The following KLHL18 variants were observed in gnomAD, a reference collection of about 807,000 sequenced individuals.
The protein encoded by KLHL18 is kelch-like protein 18.
KLHL18 carries 38 observed loss-of-function variants against 58.5 expected under a neutral mutation model. That is an observed-to-expected ratio of 0.65 (90% CI 0.50 to 0.85). The LOEUF (loss-of-function observed/expected upper bound fraction) is 0.85, where lower values mean the gene tolerates loss of function less well. Among genes scored for constraint, KLHL18 ranks in the 40% least tolerant of loss-of-function variants. KLHL18 has a pLI of 0.00. For synonymous variants in KLHL18, 303 were observed against 301.9 expected (o/e 1.00, Z -0.04); for missense variants, 624 against 778.4 (o/e 0.80, Z 2.36).
chr3:47,303,199 C>G (rs570479128), intron 1 of KLHL18, among the ~76,000 whole-genome samples: 1 of 152,312 alleles, frequency 6.6e-6, no homozygotes, highest in African/African-American at 2.4e-5. Context: ...ATGATGGCAT[C>G]TTCCATGGTA....
In KLHL18 at chr3:47,283,105, C is replaced by G; in HGVS notation, c.129+11C>G. 1.3e-6 allele frequency: 2 copies of G among 1,552,544 alleles called. No homozygotes were observed. The highest frequency in any genetic ancestry group is 2.3e-5 in the South Asian group (2 of 85,700). On this transcript the variant is annotated intron_variant, in intron 1 of 9. Transcript: ENST00000232766. ...GACGTGACCCTCAAGGTACCGCGGA[C>G]TGGGCGGCAGCGGGCTGAGGGAAAA...
At chr3:47,303,191 G>A (rs1370628664) in intron 1 of KLHL18, among the ~76,000 whole-genome samples, 7 of 152,276 alleles carry the variant, frequency 4.6e-5, no homozygotes, top group Admixed American at 4.6e-4. Context: ...CTATAACAAT[G>A]ATGGCATCTT....
Position 47,322,649 on chromosome 3 carries a change from G to A in KLHL18, c.342G>A (p.Gly114=), listed in dbSNP as rs764828624. 2.5e-6 allele frequency: 4 copies of A among 1,603,934 alleles called. No homozygotes were observed. Among genetic ancestry groups the A allele is most frequent in the East Asian group, 2.3e-5 (1 of 44,150 alleles). ...AAAATGTCCAGTCATTGCTGATGGG[G>A]GCGAGCTTCCTGCAGCTGCAGAGCA... ...DQQNVQSLLM[G]ASFLQLQSIK... is the part of the protein sequence containing the mutation. Residue 114 remains glycine (G), a synonymous_variant, in exon 3 of 10, where the codon GGG becomes GGA. Transcript: ENST00000232766.
Position 47,340,661 on chromosome 3 carries a change from C to T in KLHL18, c.1211C>T (p.Ser404Leu). 1.2e-6 allele frequency: 2 copies of T among 1,614,014 alleles called. No homozygotes were observed. The highest frequency in any genetic ancestry group is 1.7e-6 in the Non-Finnish European group (2 of 1,179,982). ...TCCCTCAGCTCCGTGGAGACCTACTCACCTGAGACGGACAAGTAAGGACTC... is the reference window on the plus strand; with the variant it reads ...TCCCTCAGCTCCGTGGAGACCTACTTACCTGAGACGGACAAGTAAGGACTC... Reference protein sequence around the residue: ...NSSLSSVETYSPETDKWTVVT... With the variant: ...NSSLSSVETYLPETDKWTVVT... The change falls in exon 8 of 10, where the codon TCA becomes TTA. Residue 404 changes from serine (S) to leucine (L), a missense_variant. Physicochemically the swap from Ser to Leu is moderately radical, Grantham distance 145. Coordinates refer to ENST00000232766, the MANE Select transcript of KLHL18 (RefSeq NM_025010.5).
intron 2 of KLHL18, among the ~76,000 whole-genome samples, chr3:47,320,168 T>C (rs943182590): frequency 1.3e-5 from 2 of 152,138 alleles, no homozygotes; most frequent in African/African-American, 4.8e-5. Context: ...TCCCTTCTTA[T>C]CAGTCTAGAA....
intron 1 of KLHL18, among the ~76,000 whole-genome samples, chr3:47,316,328 TAAC>T: frequency 6.6e-6 from 1 of 151,748 alleles, no homozygotes; most frequent in East Asian, 1.9e-4. Context: ...GATTTCTCAA[TAAC>T]AACAAACTAG....
At position 47,344,106 on chromosome 3, in the gene KLHL18, C is replaced by G; in HGVS notation, c.*165C>G. The G allele has an allele frequency of 1.3e-6, 1 of 766,644 alleles. No homozygotes were observed. The highest frequency in any genetic ancestry group is 2.0e-6 in the Non-Finnish European group (1 of 489,746). The allele number at this position is 766,644 out of a possible 1,614,324, so 47.5% of individuals were successfully genotyped here. A position where few individuals can be genotyped will look rare whatever the true frequency, so the allele number is the denominator to read the frequency against. On this transcript the variant is annotated 3_prime_UTR_variant, in exon 10 of 10. Coordinates refer to ENST00000232766, the MANE Select transcript of KLHL18 (RefSeq NM_025010.5). ...CTTAAGCCCTCCCCCACTGTGCCAC[C>G]CTTGTGACCTTCAGGCTTGGGTCAT...
At position 47,333,298 on chromosome 3, in the gene KLHL18, C is replaced by T. The variant is rs745505777; in HGVS notation, c.742C>T (p.Arg248Cys). The T allele has an allele frequency of 6.2e-6, 10 of 1,613,608 alleles. No individual in the cohort carries two copies. Among genetic ancestry groups the T allele is most frequent in the South Asian group, 2.2e-5 (2 of 91,030 alleles). The stretch of plus-strand genomic sequence containing the variant: ...CAGAGTACAGCAGGATGACCTGGTG[C>T]GTTGCTGCCACAAATGCAGGTGAGT... ...SDRVQQDDLVRCCHKCRDLVD... is the reference protein window; with the variant it reads ...SDRVQQDDLVCCCHKCRDLVD... Residue 248 changes from arginine (R) to cysteine (C), a missense_variant, in exon 5 of 10, where the codon CGT (arginine) becomes TGT (cysteine). Physicochemically the swap from Arg to Cys is radical, Grantham distance 180 (BLOSUM62 -3). Transcript: ENST00000232766.
At chr3:47,304,356 G>C (rs1703091034) in intron 1 of KLHL18, among the ~76,000 whole-genome samples, 1 of 151,952 alleles carries the variant, frequency 6.6e-6, no homozygotes, top group Non-Finnish European at 1.5e-5. Flanking sequence ...TAAAAAATTA[G>C]CTGGGTATGG....
At chr3:47,299,448 A>G (rs1428778144) in intron 1 of KLHL18, among the ~76,000 whole-genome samples, 2 of 152,018 alleles carry the variant, frequency 1.3e-5, no homozygotes, top group Non-Finnish European at 2.9e-5. Context: ...ACCTTCCATA[A>G]TGTGGGTGGG....
At chr3:47,294,979 C>T (rs1450204581) in intron 1 of KLHL18, among the ~76,000 whole-genome samples, 1 of 151,964 alleles carries the variant, frequency 6.6e-6, no homozygotes, top group Non-Finnish European at 1.5e-5. Context: ...AGCCGTGAGT[C>T]GAGCAGAGCT....
chr3:47,306,780 C>T (rs1703157348), intron 1 of KLHL18, among the ~76,000 whole-genome samples: 1 of 152,134 alleles, frequency 6.6e-6, no homozygotes, highest in African/African-American at 2.4e-5. Context: ...TCTGTCCATC[C>T]ACATCATCAT....
chr3:47,311,691 A>AAAAC (rs577854277), intron 1 of KLHL18, among the ~76,000 whole-genome samples: 5 of 152,152 alleles, frequency 3.3e-5, no homozygotes, highest in Admixed American at 6.5e-5. Context: ...ACTCTGTCTC[A>AAAAC]AAACAAACAA....
At chr3:47,332,474 A>T (rs556798882) in intron 4 of KLHL18, among the ~76,000 whole-genome samples, 1 of 152,280 alleles carries the variant, frequency 6.6e-6, no homozygotes. Flanking sequence ...AGCGGGCTTG[A>T]TAGGAGCCTG....
rs1211989980 is a variant in KLHL18, at chr3:47,345,500, T to C, written c.*1559T>C. ...ACCTTTTGGAAAGATTTCATATTGC[T>C]TCCTCCTCCCTGGATAGGACCTAAT... is the stretch of plus-strand genomic sequence containing the variant. On this transcript the variant is annotated 3_prime_UTR_variant, in exon 10 of 10. Transcript: ENST00000232766. The C allele has an allele frequency of 2.6e-5, 4 of 152,676 alleles. No homozygotes were observed. The highest frequency in any genetic ancestry group is 1.9e-4 in the East Asian group (1 of 5,202). The allele number at this position is 152,676 out of a possible 1,614,324, so 9.5% of individuals were successfully genotyped here. A position where few individuals can be genotyped will look rare whatever the true frequency, so the allele number is the denominator to read the frequency against.
chr3:47,332,072 G>A (rs868758662), intron 4 of KLHL18, among the ~76,000 whole-genome samples: 27 of 152,082 alleles, frequency 1.8e-4, no homozygotes, highest in African/African-American at 3.6e-4. Context: ...AAGGAAGGCC[G>A]GGAGCAGTGG....
chr3:47,309,938 G>C (rs1052988507), intron 1 of KLHL18, among the ~76,000 whole-genome samples: 6 of 146,316 alleles, frequency 4.1e-5, no homozygotes, highest in Non-Finnish European at 7.5e-5. Flanking sequence ...AGAGATGGCG[G>C]AGTACAGTCC....
chr3:47,312,260 G>T (rs1405723297), intron 1 of KLHL18, among the ~76,000 whole-genome samples: 1 of 152,136 alleles, frequency 6.6e-6, no homozygotes, highest in Non-Finnish European at 1.5e-5. Flanking sequence ...AGAGTGTTTT[G>T]TGTATACCAT....
At chr3:47,284,293 AAAT>A (rs1702598229) in intron 1 of KLHL18, among the ~76,000 whole-genome samples, 1 of 152,000 alleles carries the variant, frequency 6.6e-6, no homozygotes, top group Non-Finnish European at 1.5e-5. Context: ...ATAAAAGAAA[AAAT>A]AAAACTATGC....
Sources: allele counts gnomAD v4.1 joint callset (sites outside exome capture counted in the v4.1 genomes callset), GRCh38; gene constraint gnomAD v4.1.1; transcripts MANE v1.5; gene names NCBI Gene and HGNC (gene_info 2026-07-23, HGNC 2026-07-21).